The following GPR89A variants were observed in gnomAD, a reference collection of about 807,000 sequenced individuals.
GPR89A encodes the protein G protein-coupled receptor 89A.
Under a neutral mutation model 52.0 loss-of-function variants are expected in GPR89A, and 16 were observed. The ratio of observed to expected loss-of-function variants is 0.31; its 90% confidence interval spans 0.21 to 0.47. The LOEUF is 0.47. Ranked by LOEUF, GPR89A falls within the 20% of genes least tolerant of loss-of-function variation. The probability of loss-of-function intolerance (pLI) is 1.00; values close to 1 mark genes in which losing one functional copy is unlikely to be tolerated. For missense variants in GPR89A, 135 were observed against 449.4 expected, an observed-to-expected ratio of 0.30 and a Z score of 6.33; for synonymous variants, 55 against 150.9, an observed-to-expected ratio of 0.36 and a Z score of 4.66.
chr1:145,657,350 C>T (rs1553694704), intron 10 of GPR89A, among the ~76,000 whole-genome samples: 3 of 147,338 alleles, frequency 2.0e-5, no homozygotes, highest in Admixed American at 6.8e-5. Context: ...ATTATCACAC[C>T]GCTGCACTCC....
At chr1:145,610,209 C>T (rs1384897482) in intron 1 of GPR89A, among the ~76,000 whole-genome samples, 2 of 151,902 alleles carry the variant, frequency 1.3e-5, no homozygotes, top group African/African-American at 4.8e-5. Context: ...TTGCCCCCTG[C>T]GCCCCTCCCT....
intron 10 of GPR89A, among the ~76,000 whole-genome samples, chr1:145,658,201 A>T (rs1460030344): frequency 6.6e-5 from 10 of 152,152 alleles, no homozygotes; most frequent in African/African-American, 2.4e-4. Context: ...TTTAAAAAGT[A>T]TATATTTTTT....
At chr1:145,668,640 G>A (rs1652737878) in intron 12 of GPR89A, among the ~76,000 whole-genome samples, 1 of 152,136 alleles carries the variant, frequency 6.6e-6, no homozygotes, top group Admixed American at 6.5e-5. Flanking sequence ...GGGCATCCCT[G>A]TCTTGTGCCA....
intron 3 of GPR89A, among the ~76,000 whole-genome samples, chr1:145,621,605 A>G (rs1366021236): frequency 1.3e-5 from 2 of 148,330 alleles, no homozygotes; most frequent in African/African-American, 4.9e-5. Flanking sequence ...TAAAATCAGT[A>G]AATACAAAGG....
chr1:145,617,418 C>G (rs1340191231), intron 2 of GPR89A, among the ~76,000 whole-genome samples: 1 of 151,770 alleles, frequency 6.6e-6, no homozygotes, highest in African/African-American at 2.4e-5. Flanking sequence ...ACAATTTGTA[C>G]AGTTAACGCA....
chr1:145,634,009 A>G (rs587683033), intron 7 of GPR89A, among the ~76,000 whole-genome samples: 2 of 152,196 alleles, frequency 1.3e-5, no homozygotes, highest in East Asian at 3.9e-4. Context: ...ACACAAATAA[A>G]TGGAAAGATA....
chr1:145,636,286 A>G (rs1367477101), intron 7 of GPR89A, among the ~76,000 whole-genome samples: 13 of 147,236 alleles, frequency 8.8e-5, no homozygotes, highest in African/African-American at 3.3e-4. Context: ...ATTTACCACA[A>G]TATAGAAAAA....
intron 12 of GPR89A, among the ~76,000 whole-genome samples, chr1:145,667,665 T>C (rs1553696725): frequency 3.9e-5 from 6 of 152,070 alleles, no homozygotes; most frequent in Admixed American, 3.9e-4. Flanking sequence ...GTCCTGAATG[T>C]TATTGCCTAG....
intron 9 of GPR89A, 194 bp from the exon 10 acceptor site, chr1:145,646,981 T>A: frequency 1.5e-6 from 1 of 650,366 alleles, no homozygotes. Flanking sequence ...GCATGTAAGA[T>A]GTTTATCCCA....
intron 7 of GPR89A, among the ~76,000 whole-genome samples, chr1:145,637,012 G>A (rs1246504599): frequency 1.3e-5 from 2 of 152,168 alleles, no homozygotes; most frequent in Non-Finnish European, 2.9e-5. Context: ...CCAAATCTCT[G>A]TGTCATCATT....
intron 8 of GPR89A, chr1:145,644,827 C>G (rs1553692277): frequency 6.6e-6 from 1 of 152,294 alleles, no homozygotes; most frequent in Non-Finnish European, 1.5e-5. Flanking sequence ...TGTTGAACTA[C>G]TTCCCAAATT....
chr1:145,627,216 T>G (rs1649573586), intron 5 of GPR89A, among the ~76,000 whole-genome samples: 1 of 150,580 alleles, frequency 6.6e-6, no homozygotes, highest in Non-Finnish European at 1.5e-5. Context: ...ATAGAAATGC[T>G]GAGATTAAGT....
At chr1:145,666,487 C>T (rs1652556582) in intron 12 of GPR89A, among the ~76,000 whole-genome samples, 1 of 152,010 alleles carries the variant, frequency 6.6e-6, no homozygotes. Flanking sequence ...TACATCATTT[C>T]ACTTAAAATC....
chr1:145,664,516 G>A (rs1652424193), intron 11 of GPR89A, among the ~76,000 whole-genome samples: 1 of 149,624 alleles, frequency 6.7e-6, no homozygotes, highest in Admixed American at 6.7e-5. Flanking sequence ...TGGACATGGT[G>A]GCATGCACCT....
chr1:145,619,994 G>A lies in GPR89A; in HGVS notation c.206+1571G>A, dbSNP rs1376769962. ...TGTGCCACTGCACTCCAGCCTGGGC[G>A]ACAGAGCAAGACTCCATCTCAAAAA... On this transcript the variant is annotated intron_variant, in intron 3 of 13. Transcript: ENST00000313835. Among the ~76,000 whole-genome samples, 132 of 151,836 alleles carry A rather than the reference G, an allele frequency of 8.7e-4. 1 individual carries two copies. The highest frequency in any genetic ancestry group is 3.1e-3 in the African/African-American group (129 of 41,300).
intron 1 of GPR89A, chr1:145,608,518 C>G (rs2101714314): frequency 1.4e-6 from 1 of 715,264 alleles, no homozygotes; most frequent in East Asian, 4.0e-5. Flanking sequence ...GCTGCGCCAA[C>G]TGATCCTGGA....
intron 3 of GPR89A, among the ~76,000 whole-genome samples, chr1:145,621,147 A>C (rs1553688067): frequency 6.6e-6 from 1 of 151,428 alleles, no homozygotes; most frequent in African/African-American, 2.4e-5. Context: ...TGTACTAAGG[A>C]AGGAACAATA....
chr1:145,622,985 GA>G (rs1559027567), intron 3 of GPR89A, 68 bp from the exon 4 acceptor site: 1 of 1,597,280 alleles, frequency 6.3e-7, no homozygotes, highest in East Asian at 2.2e-5. Flanking sequence ...GGACCCTTTG[GA>G]AGACTAAAGA....
At position 145,612,079 on chromosome 1, in the gene GPR89A, C is replaced by T. The variant is rs1256567942; in HGVS notation, c.42+3904C>T. The T allele has an allele frequency of 8.5e-5, 13 of 152,112 alleles. 1 individual carries two copies. Among genetic ancestry groups the T allele is most frequent in the African/African-American group, 3.1e-4 (13 of 41,496 alleles). 9.4% of individuals were successfully genotyped at this position (152,112 alleles called of 1,614,324 possible). ...CCAACGCCAGGAGTTTAACCCTCAGCTCACTGAATTATTCCTTTTCTTGAC... is the reference window on the plus strand; with the variant it reads ...CCAACGCCAGGAGTTTAACCCTCAGTTCACTGAATTATTCCTTTTCTTGAC... On this transcript the variant is annotated intron_variant, in intron 1 of 13. Transcript: ENST00000313835.
Sources: allele counts gnomAD v4.1 joint callset (sites outside exome capture counted in the v4.1 genomes callset), GRCh38; gene constraint gnomAD v4.1.1; transcripts MANE v1.5; gene names NCBI Gene and HGNC (gene_info 2026-07-23, HGNC 2026-07-21).